Variants in MUC5B observed in about 807,000 individuals in gnomAD.
The protein encoded by MUC5B is mucin 5B, oligomeric mucus/gel-forming.
MUC5B carries 116 observed loss-of-function variants against 376.9 expected under a neutral mutation model. The ratio of observed to expected loss-of-function variants is 0.31; its 90% confidence interval spans 0.26 to 0.36. The LOEUF (loss-of-function observed/expected upper bound fraction) is 0.36, where lower values mean the gene tolerates loss of function less well. Ranked by LOEUF, MUC5B falls within the 10% of genes least tolerant of loss-of-function variation. The pLI, the probability that MUC5B is intolerant of heterozygous loss-of-function variation, is 1.00. For synonymous variants in MUC5B, 3,517 were observed against 3,390.9 expected (o/e 1.04, Z -1.29); for missense variants, 7,165 against 7,769.9 (o/e 0.92, Z 2.93).
chr11:1,230,781 C>T (rs1321487091), intron 12 of MUC5B, among the ~76,000 whole-genome samples, 155 bp from the exon 13 acceptor site: 3 of 151,740 alleles, frequency 2.0e-5, no homozygotes, highest in East Asian at 3.9e-4. Flanking sequence ...CAGGTCCTCC[C>T]GGGGGGGCAA....
Position 1,251,360 on chromosome 11 carries a change from C to T in MUC5B, c.14480C>T (p.Thr4827Ile). 2.5e-6 allele frequency: 4 copies of T among 1,612,238 alleles called. No individual in the cohort carries two copies. The highest frequency in any genetic ancestry group is 3.4e-6 in the Non-Finnish European group (4 of 1,178,934). The change falls in exon 31 of 49, where the codon ACT becomes ATT. Residue 4827 changes from threonine (T) to isoleucine (I), a missense_variant. Thr to Ile is a moderately conservative substitution (Grantham distance 89, BLOSUM62 -1). Transcript: ENST00000529681. ...CTCACTGAGCTGACCACAACAGCCA[C>T]TACAACTGCAGCCACTGGATCCACG... ...RILTELTTTA[T>I]TTAATGSTAT...
rs368365490 is a variant in MUC5B, at chr11:1,241,397, G to T, written c.4517G>T (p.Arg1506Leu). The T allele has an allele frequency of 6.2e-7, 1 of 1,613,578 alleles. No homozygotes were observed. Among genetic ancestry groups the T allele is most frequent in the Non-Finnish European group, 8.5e-7 (1 of 1,179,626 alleles). ...SAPGTTTCQP[R>L]CQWTEWFDED... is the part of the protein sequence containing the mutation. ...CCAGGTACCACCACCTGCCAGCCCC[G>T]GTGTCAGTGGACAGAGTGGTTTGAT... Residue 1506 changes from arginine (R) to leucine (L), a missense_variant, in exon 31 of 49, where the codon CGG becomes CTG. Physicochemically the swap from Arg to Leu is moderately radical, Grantham distance 102 (BLOSUM62 -2). Transcript: ENST00000529681.
In MUC5B at chr11:1,227,038, C is replaced by A. The variant is rs1434027418; in HGVS notation, c.469C>A (p.Leu157Met). 3 of 1,609,698 alleles carry A rather than the reference C, an allele frequency of 1.9e-6. No individual in the cohort carries two copies. The highest frequency in any genetic ancestry group is 2.5e-6 in the Non-Finnish European group (3 of 1,178,126). Residue 157 changes from leucine to methionine, a missense_variant, in exon 5 of 49, where the codon CTG becomes ATG. This residue lies in a region of MUC5B where 640 missense variants were observed against 733.0 expected (regional missense o/e 0.87). Coordinates refer to ENST00000529681, the MANE Select transcript of MUC5B (RefSeq NM_002458.3). Reference protein sequence around the residue: ...SVLINGQREELPYSRTGLLVE... With the variant: ...SVLINGQREEMPYSRTGLLVE... ...ACCCCGCTGTCTGCGCAGGGAGGAGCTGCCTTACAGCCGCACTGGCCTCCT... is the reference window on the plus strand; with the variant it reads ...ACCCCGCTGTCTGCGCAGGGAGGAGATGCCTTACAGCCGCACTGGCCTCCT...
rs1330245841 is a variant in MUC5B, at chr11:1,237,089, C to T, written c.3222C>T (p.Asn1074=). 8 of 1,558,694 alleles carry T rather than the reference C, an allele frequency of 5.1e-6. No individual in the cohort carries two copies. The highest frequency in any genetic ancestry group is 1.7e-4 in the Middle Eastern group (1 of 5,894). ...CACCCAAGGACCCCTGCACGGCCAA[C>T]CCCTTCCGCAAGTCCTGGGCCCAGA... ...ALAPKDPCTA[N]PFRKSWAQKQ... is the part of the protein sequence containing the mutation. Residue 1074 remains asparagine (N), a synonymous_variant, in exon 25 of 49, where the codon AAC becomes AAT. Coordinates refer to ENST00000529681, the MANE Select transcript of MUC5B (RefSeq NM_002458.3).
chr11:1,247,355 C>T lies in MUC5B; in HGVS notation c.10475C>T (p.Ser3492Phe), dbSNP rs375100525. 3.7e-6 allele frequency: 6 copies of T among 1,611,014 alleles called. No individual in the cohort carries two copies. Among genetic ancestry groups the T allele is most frequent in the Middle Eastern group, 4.5e-4 (2 of 4,452 alleles). ...THITEPSTVT[S>F]HTPAATTSTT... ...ATCACAGAGCCTTCCACGGTGACTT[C>T]CCACACCCCAGCAGCAACCACCAGT... Residue 3492 changes from serine (S) to phenylalanine (F), a missense_variant, in exon 31 of 49, where the codon TCC becomes TTC. Ser to Phe is a radical substitution (Grantham distance 155). This residue lies in a region of MUC5B where 939 missense variants were observed against 770.6 expected (regional missense o/e 1.22). Transcript: ENST00000529681.
At chr11:1,252,297 C>G in intron 31 of MUC5B, 46 bp from the exon 32 acceptor site, 2 of 1,504,172 alleles carry the variant, frequency 1.3e-6, no homozygotes, top group Non-Finnish European at 1.8e-6. Flanking sequence ...TCTGGCTTAC[C>G]CATCTCTGGG....
chr11:1,256,696 A>T lies in MUC5B; in HGVS notation c.16162A>T (p.Met5388Leu). 1 of 1,567,968 alleles carries T rather than the reference A, an allele frequency of 6.4e-7. No homozygotes were observed. The highest frequency in any genetic ancestry group is 8.6e-7 in the Non-Finnish European group (1 of 1,158,422). The change falls in exon 39 of 49, where the codon ATG (methionine) becomes TTG (leucine). Residue 5388 changes from methionine (M) to leucine (L), a missense_variant. Met to Leu is a conservative substitution (Grantham distance 15, BLOSUM62 2). This residue lies in a region of MUC5B where 842 missense variants were observed against 1,016.9 expected (regional missense o/e 0.83). Transcript: ENST00000529681. ...SRNQSPQLEG[M>L]AEGCFCPEDQ... is the part of the protein sequence containing the mutation. ...GAACCAGAGCCCACAGCTGGAGGGG[A>T]TGGCGGAGGGCTGCTTCTGCCCTGA...
Position 1,232,129 on chromosome 11 carries a change from T to G in MUC5B, c.1812T>G (p.Phe604Leu). The change falls in exon 15 of 49, where the codon TTT becomes TTG. Residue 604 changes from phenylalanine (F) to leucine (L), a missense_variant. By Grantham distance (22) the Phe-to-Leu change is conservative. Around this residue, in one of 31 missense-constraint regions of MUC5B, gnomAD observed 530 missense variants for 604.0 expected, o/e 0.88. Transcript: ENST00000529681. ...QAACANARNS[F>L]EDPCSLSVEN... The stretch of plus-strand genomic sequence containing the variant: ...CCTGTGCCAATGCCAGGAACAGCTT[T>G]GAGGACCCCTGCTCCCTCAGTGTGG... The G allele has an allele frequency of 1.2e-6, 2 of 1,611,518 alleles. No individual in the cohort carries two copies. The highest frequency in any genetic ancestry group is 1.7e-6 in the Non-Finnish European group (2 of 1,179,068).
At position 1,259,066 on chromosome 11, in the gene MUC5B, G is replaced by C; in HGVS notation, c.16713+5G>C. 1 of 1,546,436 alleles carries C rather than the reference G, an allele frequency of 6.5e-7. No homozygotes were observed. The highest frequency in any genetic ancestry group is 8.7e-7 in the Non-Finnish European group (1 of 1,145,652). On this transcript the variant is annotated splice_donor_5th_base_variant and intron_variant, in intron 44 of 48. Transcript: ENST00000529681. ...AACAATACTACCTGTCCCCAGGTGA[G>C]ACCCGAGGCACCTGCCCCCAGGTGA...
chr11:1,250,596 C>T lies in MUC5B; in HGVS notation c.13716C>T (p.Thr4572=), dbSNP rs2943514. ...TGCTTACCGCCACGGCCACCACAACCGGGGCCACCGGCTCTGTGGCCACCC... is the reference window on the plus strand; with the variant it reads ...TGCTTACCGCCACGGCCACCACAACTGGGGCCACCGGCTCTGTGGCCACCC... ...STVLTATATT[T]GATGSVATPS... is the part of the protein sequence containing the mutation. Residue 4572 remains threonine (T), a synonymous_variant, in exon 31 of 49, where the codon ACC becomes ACT. Coordinates refer to ENST00000529681, the MANE Select transcript of MUC5B (RefSeq NM_002458.3). 2,870 of 1,613,496 alleles carry T rather than the reference C, an allele frequency of 1.8e-3. 9 individuals carry two copies. The highest frequency in any genetic ancestry group is 4.7e-3 in the South Asian group (432 of 91,054).
Position 1,228,665 on chromosome 11 carries a change from C to G in MUC5B, c.876C>G (p.Cys292Trp), listed in dbSNP as rs1329410510. 6.5e-7 allele frequency: 1 copy of G among 1,534,264 alleles called. No individual in the cohort carries two copies. Among genetic ancestry groups the G allele is most frequent in the African/African-American group, 1.4e-5 (1 of 72,968 alleles). Residue 292 changes from cysteine (C) to tryptophan (W), a missense_variant, in exon 8 of 49, where the codon TGC becomes TGG. Transcript: ENST00000529681. Reference protein sequence around the residue: ...AYLAACAQDLCRCPTCPCATF... With the variant: ...AYLAACAQDLWRCPTCPCATF... The stretch of plus-strand genomic sequence containing the variant: ...TGGCCGCCTGCGCCCAGGACCTGTG[C>G]CGCTGCCCCACCTGCCCGTGTGCCA...
chr11:1,239,065 C>A (rs1862219854), intron 26 of MUC5B, 38 bp downstream of exon 26: 1 of 1,558,736 alleles, frequency 6.4e-7, no homozygotes, highest in Non-Finnish European at 8.7e-7. Context: ...AAGGGTGGAG[C>A]TGCTGGGGCA....
chr11:1,256,567 C>T (rs771835817), intron 38 of MUC5B, 104 bp from the exon 39 acceptor site: 1 of 559,570 alleles, frequency 1.8e-6, no homozygotes, highest in South Asian at 2.0e-5. Flanking sequence ...TCCACCCATT[C>T]ATCTCCTTCC....
chr11:1,243,870 G>T lies in MUC5B; in HGVS notation c.6990G>T (p.Met2330Ile). 6.2e-7 allele frequency: 1 copy of T among 1,611,142 alleles called. No homozygotes were observed. Among genetic ancestry groups the T allele is most frequent in the Non-Finnish European group, 8.5e-7 (1 of 1,179,484 alleles). ...WSEWLDYSYP[M>I]PGPSGGDFDT... ...AGTGGCTGGACTACAGCTACCCCAT[G>T]CCGGGGCCCTCTGGCGGGGACTTTG... The change falls in exon 31 of 49, where the codon ATG becomes ATT. Residue 2330 changes from methionine to isoleucine, a missense_variant. This residue lies in a region of MUC5B where 25 missense variants were observed against 103.9 expected (regional missense o/e 0.24). Transcript: ENST00000529681.
chr11:1,235,672 A>G (rs914745848), intron 23 of MUC5B, among the ~76,000 whole-genome samples: 8 of 152,088 alleles, frequency 5.3e-5, no homozygotes, highest in Non-Finnish European at 1.2e-4. Flanking sequence ...TGCCTCTCCC[A>G]GCTTCACAGG....
Position 1,247,548 on chromosome 11 carries a change from C to T in MUC5B, c.10668C>T (p.Ser3556=). 1 of 1,611,026 alleles carries T rather than the reference C, an allele frequency of 6.2e-7. No homozygotes were observed. Among genetic ancestry groups the T allele is most frequent in the South Asian group, 1.1e-5 (1 of 90,954 alleles). ...CCCGCACCTCGACCCTGCTGCCCAGCAGCCCCACATCGGCCCCCATAACCA... is the reference window on the plus strand; with the variant it reads ...CCCGCACCTCGACCCTGCTGCCCAGTAGCCCCACATCGGCCCCCATAACCA... The part of the protein sequence containing the change: ...SKTRTSTLLP[S]SPTSAPITTV... Residue 3556 remains serine (S), a synonymous_variant, in exon 31 of 49, where the codon AGC becomes AGT. Transcript: ENST00000529681.
chr11:1,242,143 A>C lies in MUC5B; in HGVS notation c.5263A>C (p.Thr1755Pro), dbSNP rs772413664. ...GCCAACACTCACGAGCGAGCTGTCC[A>C]CCTCTCAGGCCGAGACCAGCACGCC... ...LAPTLTSELSTSQAETSTPRT... is the reference protein window; with the variant it reads ...LAPTLTSELSPSQAETSTPRT... Residue 1755 changes from threonine (T) to proline (P), a missense_variant, in exon 31 of 49, where the codon ACC becomes CCC. Physicochemically the swap from Thr to Pro is conservative, Grantham distance 38. Around this residue, in one of 31 missense-constraint regions of MUC5B, gnomAD observed 897 missense variants for 779.6 expected, o/e 1.15. Coordinates refer to ENST00000529681, the MANE Select transcript of MUC5B (RefSeq NM_002458.3). The C allele has an allele frequency of 6.2e-7, 1 of 1,613,288 alleles. No individual in the cohort carries two copies. Among genetic ancestry groups the C allele is most frequent in the South Asian group, 1.1e-5 (1 of 91,076 alleles).
chr11:1,254,391 C>A (rs1170144118), intron 34 of MUC5B, 40 bp downstream of exon 34: 1 of 1,589,984 alleles, frequency 6.3e-7, no homozygotes, highest in East Asian at 2.2e-5. Context: ...TGGCCCAGTC[C>A]CAACCGCACC....
rs1454789523 is a variant in MUC5B, at chr11:1,246,071, C to T, written c.9191C>T (p.Thr3064Ile). ...AGCACAGCCACCAAATCCACAGCTA[C>T]CAGCTTTACACCCATCCCCTCCTTC... ...LTSTATKSTA[T>I]SFTPIPSFTL... is the part of the protein sequence containing the mutation. The change falls in exon 31 of 49, where the codon ACC becomes ATC. Residue 3064 changes from threonine to isoleucine, a missense_variant. Thr to Ile is a moderately conservative substitution (Grantham distance 89). Around this residue, in one of 31 missense-constraint regions of MUC5B, gnomAD observed 939 missense variants for 770.6 expected, o/e 1.22. Coordinates refer to ENST00000529681, the MANE Select transcript of MUC5B (RefSeq NM_002458.3). 3.7e-6 allele frequency: 6 copies of T among 1,613,270 alleles called. No homozygotes were observed. Among genetic ancestry groups the T allele is most frequent in the African/African-American group, 1.3e-5 (1 of 74,704 alleles).
Sources: gnomAD v4.1 joint callset for allele counts (sites outside exome capture counted in the v4.1 genomes callset) on GRCh38, gnomAD v4.1.1 for gene constraint, gnomAD v4.1.1 regional missense constraint, MANE v1.5 for transcripts, NCBI Gene and HGNC (gene_info 2026-07-23, HGNC 2026-07-21) for gene names.